Variants in TTLL10 observed in about 807,000 individuals in gnomAD.
TTLL10 encodes inactive polyglycylase TTLL10.
Under a neutral mutation model 69.0 loss-of-function variants are expected in TTLL10, and 61 were observed. That is an observed-to-expected ratio of 0.88 (90% CI 0.72 to 1.09). TTLL10 has a LOEUF of 1.09. Among genes scored for constraint, TTLL10 ranks in the 50% least tolerant of loss-of-function variants. TTLL10 has a pLI of 0.00. For missense variants in TTLL10, 962 were observed against 945.9 expected, an observed-to-expected ratio of 1.02 and a Z score of -0.22; for synonymous variants, 408 against 393.3, an observed-to-expected ratio of 1.04 and a Z score of -0.44.
chr1:1,179,919 A>AG, intron 5 of TTLL10, 115 bp from the exon 6 acceptor site: 1 of 1,438,752 alleles, frequency 7.0e-7, no homozygotes, highest in Non-Finnish European at 9.1e-7. Flanking sequence ...CAGACGGGCC[A>AG]GGGGGATTGT....
intron 4 of TTLL10, 149 bp from the exon 5 acceptor site, chr1:1,179,508 G>A: frequency 1.5e-6 from 2 of 1,360,106 alleles, no homozygotes; most frequent in South Asian, 1.4e-5. Flanking sequence ...GGCTCTGCAG[G>A]CACAGAGGGG....
chr1:1,190,126 AAG>A (rs974238806), intron 13 of TTLL10, among the ~76,000 whole-genome samples: 4 of 152,038 alleles, frequency 2.6e-5, no homozygotes, highest in African/African-American at 9.6e-5. Flanking sequence ...AAAAAAAAAA[AAG>A]AATTTGTCCA....
At chr1:1,182,567 A>G (rs1189867728) in intron 10 of TTLL10, 121 bp downstream of exon 10, 5 of 1,086,120 alleles carry the variant, frequency 4.6e-6, no homozygotes, top group African/African-American at 1.6e-5. Context: ...CTGGGACGAG[A>G]CGAGGTGGTC....
Position 1,197,636 on chromosome 1 carries a change from C to G in TTLL10, c.1811C>G (p.Pro604Arg). The G allele has an allele frequency of 1.3e-6, 2 of 1,506,374 alleles. No individual in the cohort carries two copies. The highest frequency in any genetic ancestry group is 1.8e-6 in the Non-Finnish European group (2 of 1,134,832). 93.3% of individuals were successfully genotyped at this position (1,506,374 alleles called of 1,614,324 possible). ...TCCGGGCCACCCATGCCGCATGCCC[C>G]AGACCAGCCGGGCGCCCGCAGGCCT... Reference protein sequence around the residue: ...KSSGPPMPHAPDQPGARRPAP... With the variant: ...KSSGPPMPHARDQPGARRPAP... The change falls in exon 16 of 16, where the codon CCA becomes CGA. Residue 604 changes from proline (P) to arginine (R), a missense_variant. Coordinates refer to ENST00000379289, the MANE Select transcript of TTLL10 (RefSeq NM_001130045.2).
intron 5 of TTLL10, 25 bp from the exon 6 acceptor site, chr1:1,180,009 C>A: frequency 6.7e-7 from 1 of 1,497,874 alleles, no homozygotes; most frequent in East Asian, 2.3e-5. Context: ...GTAGCCACCC[C>A]GGTGGGACCC....
intron 4 of TTLL10, 29 bp downstream of exon 4, chr1:1,179,362 T>G: frequency 6.5e-7 from 1 of 1,541,124 alleles, no homozygotes; most frequent in South Asian, 1.2e-5. Flanking sequence ...GGTGGCCTCC[T>G]ACCTCTCCAA....
intron 14 of TTLL10, 32 bp downstream of exon 14, chr1:1,196,748 A>G (rs1368116222): frequency 6.9e-7 from 1 of 1,451,334 alleles, no homozygotes; most frequent in South Asian, 1.2e-5. Flanking sequence ...GGCACAGTAG[A>G]CAGATGCAAG....
chr1:1,175,871 G>A (rs963958956), intron 3 of TTLL10: 1 of 411,066 alleles, frequency 2.4e-6, no homozygotes. Context: ...CTGCTGCCGT[G>A]CAGGTGGAGA....
Position 1,193,311 on chromosome 1 carries a change from C to T in TTLL10, c.1402-3289C>T, listed in dbSNP as rs184729530. ...TTGCACTCCAGCCTGGGTGACAGAG[C>T]GAGACTCCGTCTCAAAAAATAATAA... On this transcript the variant is annotated intron_variant, in intron 13 of 15. Coordinates refer to ENST00000379289, the MANE Select transcript of TTLL10 (RefSeq NM_001130045.2). 3.9e-3 allele frequency among the ~76,000 whole-genome samples: 591 copies of T among 152,022 alleles called. 6 individuals carry two copies. Among genetic ancestry groups the T allele is most frequent in the African/African-American group, 0.013 (547 of 41,452 alleles).
intron 13 of TTLL10, among the ~76,000 whole-genome samples, chr1:1,191,840 A>C (rs1328543695): frequency 6.6e-6 from 1 of 152,282 alleles, no homozygotes; most frequent in Non-Finnish European, 1.5e-5. Flanking sequence ...GCCAAATTAA[A>C]GGAATAGGTT....
At chr1:1,175,416 T>C in intron 3 of TTLL10, 1 of 331,524 alleles carries the variant, frequency 3.0e-6, no homozygotes, top group Non-Finnish European at 5.9e-6. Flanking sequence ...AAATTCCCCG[T>C]GGACGGTGAA....
chr1:1,184,104 T>C lies in TTLL10; in HGVS notation c.1260+13T>C. 6.2e-7 allele frequency: 1 copy of C among 1,614,044 alleles called. No individual in the cohort carries two copies. The highest frequency in any genetic ancestry group is 1.7e-5 in the Admixed American group (1 of 60,008). On this transcript the variant is annotated intron_variant, in intron 12 of 15. Transcript: ENST00000379289. ...CTTGACCAACCAGGTGAGTCTGCCA[T>C]GGGTGAGGGCCCTCCCTGCAGCCTT...
Position 1,197,486 on chromosome 1 carries a change from T to G in TTLL10, c.1661T>G (p.Leu554Trp). Residue 554 changes from leucine (L) to tryptophan (W), a missense_variant, in exon 16 of 16, where the codon TTG becomes TGG. Transcript: ENST00000379289. ...AAGAGCCTGCGCGGCCAGAAGATGT[T>G]GCCTCTGCTGTCCCAGCGCCGCTTC... ...FRKSLRGQKM[L>W]PLLSQRRFVL... The G allele has an allele frequency of 6.5e-7, 1 of 1,545,702 alleles. No individual in the cohort carries two copies. The highest frequency in any genetic ancestry group is 8.7e-7 in the Non-Finnish European group (1 of 1,145,874).
At chr1:1,175,989 A>T (rs1167073498) in intron 3 of TTLL10, 1 of 442,848 alleles carries the variant, frequency 2.3e-6, no homozygotes, top group African/African-American at 2.1e-5. Flanking sequence ...GCAGGTGGAG[A>T]GGCTGCTGCT....
In TTLL10 at chr1:1,197,929, G is replaced by C. The variant is rs1398229281; in HGVS notation, c.*82G>C. ...CTCAGGGACCTATAAAGCCCACTTT[G>C]CTACAAACACAGTCTCTGCAGCAGA... On this transcript the variant is annotated 3_prime_UTR_variant, in exon 16 of 16. Coordinates refer to ENST00000379289, the MANE Select transcript of TTLL10 (RefSeq NM_001130045.2). The C allele has an allele frequency of 6.7e-6, 9 of 1,353,066 alleles. No homozygotes were observed. The highest frequency in any genetic ancestry group is 8.5e-6 in the Non-Finnish European group (9 of 1,053,002). 83.8% of individuals were successfully genotyped at this position (1,353,066 alleles called of 1,614,324 possible). A position where few individuals can be genotyped will look rare whatever the true frequency, so the allele number is the denominator to read the frequency against.
intron 4 of TTLL10, 129 bp from the exon 5 acceptor site, chr1:1,179,528 G>A (rs1646976324): frequency 9.0e-6 from 13 of 1,451,680 alleles, no homozygotes; most frequent in Non-Finnish European, 1.2e-5. Context: ...GAGCTGTCGC[G>A]CTCCGCGGCC....
At chr1:1,183,878 G>C in intron 11 of TTLL10, 42 bp from the exon 12 acceptor site, 1 of 1,611,018 alleles carries the variant, frequency 6.2e-7, no homozygotes, top group Non-Finnish European at 8.5e-7. Flanking sequence ...GGCCAGGCTG[G>C]CCCCGTGGCT....
chr1:1,184,169 C>A, intron 12 of TTLL10, 78 bp downstream of exon 12: 1 of 1,575,610 alleles, frequency 6.3e-7, no homozygotes. Flanking sequence ...CTAGGGGGTG[C>A]AGAGGGGGTG....
Position 1,181,601 on chromosome 1 carries a change from C to T in TTLL10, c.756-140C>T, listed in dbSNP as rs971475516. ...CAACACAGCTGTTTCCCCCAGGCACCGCCGTCCACCCAGCCACCTCCTTCC... is the reference window on the plus strand; with the variant it reads ...CAACACAGCTGTTTCCCCCAGGCACTGCCGTCCACCCAGCCACCTCCTTCC... On this transcript the variant is annotated intron_variant, in intron 8 of 15. Coordinates refer to ENST00000379289, the MANE Select transcript of TTLL10 (RefSeq NM_001130045.2). This position sits in a 1 kb window ranked among gnomAD's most constrained non-coding sequence, Gnocchi z 4.6. 4.3e-5 allele frequency: 31 copies of T among 728,342 alleles called. No individual in the cohort carries two copies. The highest frequency in any genetic ancestry group is 2.1e-4 in the Admixed American group (8 of 38,206). 45.1% of individuals were successfully genotyped at this position (728,342 alleles called of 1,614,324 possible). A position where few individuals can be genotyped will look rare whatever the true frequency, so the allele number is the denominator to read the frequency against.
Sources: gnomAD v4.1 joint callset for allele counts (sites outside exome capture counted in the v4.1 genomes callset) on GRCh38, gnomAD v4.1.1 for gene constraint, Gnocchi (gnomAD v3.1) non-coding constraint, MANE v1.5 for transcripts, NCBI Gene and HGNC (gene_info 2026-07-23, HGNC 2026-07-21) for gene names.